Variants in IFT81 observed in about 807,000 individuals in gnomAD.
The protein encoded by IFT81 is intraflagellar transport protein 81 homolog.
A neutral mutation model predicts 102.6 loss-of-function variants in IFT81; 72 were observed. That is an observed-to-expected ratio of 0.70 (90% CI 0.58 to 0.85). IFT81 has a LOEUF of 0.85. Among genes scored for constraint, IFT81 ranks in the 40% least tolerant of loss-of-function variants. The pLI is 0.00. For synonymous variants in IFT81, 237 were observed against 242.7 expected (o/e 0.98, Z 0.22); for missense variants, 723 against 787.3 (o/e 0.92, Z 0.98).
chr12:110,162,785 G>A (rs1351245970), intron 10 of IFT81, 134 bp from the exon 11 acceptor site: 2 of 656,978 alleles, frequency 3.0e-6, no homozygotes, highest in Non-Finnish European at 5.1e-6. Flanking sequence ...AGTAGGGCAA[G>A]GAGTATTGGT....
intron 11 of IFT81, among the ~76,000 whole-genome samples, chr12:110,179,537 C>A (rs1292136266): frequency 6.6e-6 from 1 of 151,236 alleles, no homozygotes; most frequent in Non-Finnish European, 1.5e-5. Context: ...GCCTGGGCAA[C>A]ATAGGGAAAC....
At chr12:110,141,617 C>T (rs1265274857) in intron 8 of IFT81, among the ~76,000 whole-genome samples, 3 of 152,132 alleles carry the variant, frequency 2.0e-5, no homozygotes, top group Non-Finnish European at 2.9e-5. Flanking sequence ...AAGTGGCTCA[C>T]GCATGTAATC....
In IFT81 at chr12:110,209,121, T is replaced by C. The variant is rs369351187; in HGVS notation, c.1803-50T>C. On this transcript the variant is annotated intron_variant, in intron 17 of 18. Transcript: ENST00000242591. ...ATTAATTTATAATTCACTTGTATGA[T>C]CAAATCATTTGAAGTAAATTGAAAG... The C allele has an allele frequency of 2.6e-5, 26 of 1,008,766 alleles. No individual in the cohort carries two copies. The African/African-American group carries it at 3.1e-4, about 12-fold the overall frequency. The allele number at this position is 1,008,766 out of a possible 1,614,324, so 62.5% of individuals were successfully genotyped here.
chr12:110,214,405 G>A (rs773367724), intron 18 of IFT81, among the ~76,000 whole-genome samples: 1 of 151,912 alleles, frequency 6.6e-6, no homozygotes, highest in Non-Finnish European at 1.5e-5. Flanking sequence ...AACTTCTAGA[G>A]TAGATCTAAA....
At chr12:110,198,958 C>T (rs1041704968) in intron 14 of IFT81, among the ~76,000 whole-genome samples, 6 of 151,738 alleles carry the variant, frequency 4.0e-5, no homozygotes, top group African/African-American at 9.7e-5. Context: ...TACAGGCATG[C>T]GCACCACGCC....
intron 14 of IFT81, among the ~76,000 whole-genome samples, chr12:110,200,525 G>A (rs1046023123): frequency 3.3e-5 from 5 of 152,172 alleles, no homozygotes; most frequent in Admixed American, 2.0e-4. Context: ...GTCAATGAGT[G>A]AGTGGTAAGT....
intron 4 of IFT81, among the ~76,000 whole-genome samples, chr12:110,130,719 A>T (rs1894112238): frequency 6.6e-6 from 1 of 152,022 alleles, no homozygotes; most frequent in African/African-American, 2.4e-5. Context: ...AATTAATGGT[A>T]ATAAAGACAT....
At chr12:110,165,137 T>C (rs1896365520) in intron 11 of IFT81, among the ~76,000 whole-genome samples, 1 of 152,076 alleles carries the variant, frequency 6.6e-6, no homozygotes. Context: ...TGTCATCATT[T>C]GGAAATGATA....
rs1894536674 is a variant in IFT81 at position 110,136,779 on chromosome 12, T to C, written c.700T>C (p.Phe234Leu). The change falls in exon 8 of 19, where the codon TTT becomes CTT. Residue 234 changes from phenylalanine to leucine, a missense_variant. By Grantham distance (22) the Phe-to-Leu change is conservative (BLOSUM62 0). Transcript: ENST00000242591. ...QQKQEQKNQL[F>L]HAVQRLQRVQ... Reference sequence around the variant, plus strand: ...TCTATTTAATTGTATTTTAAAGCTATTTCATGCAGTGCAAAGATTGCAAAG... The same window carrying C: ...TCTATTTAATTGTATTTTAAAGCTACTTCATGCAGTGCAAAGATTGCAAAG... 1.2e-6 allele frequency: 2 copies of C among 1,601,820 alleles called. No homozygotes were observed. The highest frequency in any genetic ancestry group is 2.2e-5 in the South Asian group (2 of 89,818).
At position 110,128,935 on chromosome 12, in the gene IFT81, G is replaced by C; in HGVS notation, c.249-15G>C. On this transcript the variant is annotated splice_polypyrimidine_tract_variant and intron_variant, in intron 3 of 18. Transcript: ENST00000242591. ...TAAGTGCGTGTGTGTTTGTGTATGT[G>C]TGTTTCTCTCTTAGGAGTACTTTTC... 1 of 1,606,868 alleles carries C rather than the reference G, an allele frequency of 6.2e-7. No homozygotes were observed. The highest frequency in any genetic ancestry group is 8.5e-7 in the Non-Finnish European group (1 of 1,175,346).
rs376164810 is a variant in IFT81 at position 110,191,685 on chromosome 12, C to T, written c.1467+637C>T. 2.6e-5 allele frequency among the ~76,000 whole-genome samples: 4 copies of T among 152,130 alleles called. No homozygotes were observed. In the South Asian group the frequency reaches 8.3e-4, roughly 32 times the overall value. ...TCTTAGAATCTTTCCATTTTCAGGA[C>T]TTGTATTCAATCAGATTGCACTAGT... is the stretch of plus-strand genomic sequence containing the variant. On this transcript the variant is annotated intron_variant, in intron 13 of 18. Coordinates refer to ENST00000242591, the MANE Select transcript of IFT81 (RefSeq NM_014055.4).
intron 3 of IFT81, among the ~76,000 whole-genome samples, 170 bp from the exon 4 acceptor site, chr12:110,128,780 C>A (rs1236571940): frequency 1.6e-5 from 2 of 122,692 alleles, no homozygotes; most frequent in Non-Finnish European, 3.4e-5. Flanking sequence ...AAGTGAGACC[C>A]TGTCTCAAAA....
intron 8 of IFT81, among the ~76,000 whole-genome samples, chr12:110,142,489 A>G (rs1038252009): frequency 3.3e-4 from 50 of 152,044 alleles, no homozygotes; most frequent in African/African-American, 1.0e-3. Flanking sequence ...TTAGATTTTA[A>G]CTTGTGGTGC....
At chr12:110,191,667 ATCT>A (rs1362243939) in intron 13 of IFT81, among the ~76,000 whole-genome samples, 2 of 152,102 alleles carry the variant, frequency 1.3e-5, no homozygotes, top group African/African-American at 4.8e-5. Flanking sequence ...TGTTCTTAGA[ATCT>A]TTCCATTTTC....
At chr12:110,216,727 T>C (rs1466879010) in intron 18 of IFT81, 3 of 402,642 alleles carry the variant, frequency 7.5e-6, no homozygotes, top group African/African-American at 2.1e-5. Flanking sequence ...GATTTCACCA[T>C]GTTGGCCAGG....
intron 17 of IFT81, among the ~76,000 whole-genome samples, chr12:110,208,022 T>C (rs894895838): frequency 2.4e-4 from 36 of 152,220 alleles, no homozygotes; most frequent in Admixed American, 1.5e-3. Flanking sequence ...TGCACAGAAG[T>C]TGAATGCTGT....
chr12:110,186,620 T>G (rs974250677), intron 12 of IFT81, among the ~76,000 whole-genome samples: 9 of 152,000 alleles, frequency 5.9e-5, no homozygotes, highest in African/African-American at 2.2e-4. Context: ...CTCAGGCGAT[T>G]CTCCCACCTC....
intron 13 of IFT81, 40 bp from the exon 14 acceptor site, chr12:110,192,577 A>G (rs745953109): frequency 1.7e-5 from 19 of 1,092,790 alleles, no homozygotes; most frequent in Non-Finnish European, 2.5e-5. Context: ...TCTTTTTTTG[A>G]ATTCTTTTTT....
chr12:110,172,923 G>A (rs1240894223), intron 11 of IFT81, among the ~76,000 whole-genome samples: 12,069 of 79,732 alleles, frequency 0.15, no homozygotes, highest in Middle Eastern at 0.32. Context: ...CCCGGCAGCC[G>A]CCCCGTCCGG....
Sources: allele counts gnomAD v4.1 joint callset (sites outside exome capture counted in the v4.1 genomes callset), GRCh38; gene constraint gnomAD v4.1.1; transcripts MANE v1.5; gene names NCBI Gene and HGNC (gene_info 2026-07-23, HGNC 2026-07-21).